Variants in JARID2 observed in about 807,000 individuals in gnomAD.
JARID2 encodes jumonji and AT-rich interaction domain containing 2, also known as protein Jumonji.
JARID2 carries 21 observed loss-of-function variants against 125.6 expected under a neutral mutation model. That is an observed-to-expected ratio of 0.17 (90% confidence interval 0.12 to 0.24). The LOEUF (loss-of-function observed/expected upper bound fraction) is 0.24, where lower values mean the gene tolerates loss of function less well. Ranked by LOEUF, JARID2 falls within the 10% of genes least tolerant of loss-of-function variation. The probability of loss-of-function intolerance (pLI) is 1.00; values close to 1 mark genes in which losing one functional copy is unlikely to be tolerated. For synonymous variants in JARID2, 736 were observed against 661.6 expected (o/e 1.11, Z -1.73); for missense variants, 1,303 against 1,639.6 (o/e 0.79, Z 3.55).
chr6:15,282,200 C>G (rs895588213), intron 1 of JARID2, among the ~76,000 whole-genome samples: 2 of 152,094 alleles, frequency 1.3e-5, no homozygotes, highest in African/African-American at 4.8e-5. Flanking sequence ...ACCTTGGCAT[C>G]CCAAAGTGCT....
At chr6:15,271,250 C>A (rs143867264) in intron 1 of JARID2, among the ~76,000 whole-genome samples, 1 of 152,136 alleles carries the variant, frequency 6.6e-6, no homozygotes, top group African/African-American at 2.4e-5. Flanking sequence ...GGGCTTGAGG[C>A]CAGTGGGTTC....
chr6:15,495,235 G>A (rs879280408), intron 6 of JARID2, among the ~76,000 whole-genome samples: 5 of 152,096 alleles, frequency 3.3e-5, no homozygotes, highest in Admixed American at 2.0e-4. Flanking sequence ...CCCCATTTTC[G>A]CTGACGTTTG....
chr6:15,402,091 C>G (rs1459706121), intron 2 of JARID2, among the ~76,000 whole-genome samples: 1 of 151,996 alleles, frequency 6.6e-6, no homozygotes, highest in Non-Finnish European at 1.5e-5. Flanking sequence ...TCCTTTTATC[C>G]TAGGGAATGA....
chr6:15,496,046 G>C (rs1770401608), intron 6 of JARID2, 86 bp from the exon 7 acceptor site: 1 of 1,084,670 alleles, frequency 9.2e-7, no homozygotes, highest in East Asian at 2.4e-5. Context: ...CAGCATCCAG[G>C]GTCCTTTCTC....
intron 1 of JARID2, among the ~76,000 whole-genome samples, chr6:15,268,802 T>C (rs1169507878): frequency 6.6e-6 from 1 of 152,240 alleles, no homozygotes; most frequent in African/African-American, 2.4e-5. Flanking sequence ...AATTTGCTTT[T>C]CCTTTTCACA....
Position 15,496,805 on chromosome 6 carries a change from C to G in JARID2, c.1580C>G (p.Thr527Ser). The part of the protein sequence containing the change: ...ADSASCENRS[T>S]SQPESVHKPQ... Reference sequence around the variant, plus strand: ...AGCGCCTCCTGTGAAAATCGTTCTACCTCGCAACCGGAGTCCGTGCACAAG... The same window carrying G: ...AGCGCCTCCTGTGAAAATCGTTCTAGCTCGCAACCGGAGTCCGTGCACAAG... The change falls in exon 7 of 18, where the codon ACC (threonine) becomes AGC (serine). Residue 527 changes from threonine (T) to serine (S), a missense_variant. Coordinates refer to ENST00000341776, the MANE Select transcript of JARID2 (RefSeq NM_004973.4). The G allele has an allele frequency of 6.2e-7, 1 of 1,607,822 alleles. No individual in the cohort carries two copies. The highest frequency in any genetic ancestry group is 8.5e-7 in the Non-Finnish European group (1 of 1,176,658).
chr6:15,387,112 TC>T (rs1225707189), intron 2 of JARID2, among the ~76,000 whole-genome samples: 3 of 152,192 alleles, frequency 2.0e-5, no homozygotes, highest in Admixed American at 2.0e-4. Flanking sequence ...TTGGCTTTTT[TC>T]CCCAGAGGCA....
At chr6:15,332,966 GAGTCGCCCAGGCTGGAGTGC>G (rs1762765191) in intron 1 of JARID2, among the ~76,000 whole-genome samples, 1 of 119,742 alleles carries the variant, frequency 8.4e-6, no homozygotes, top group Non-Finnish European at 1.6e-5. Flanking sequence ...TTTGGAGACG[GAGTCGCCCAGGCTGGAGTGC>G]AGTGGCCCCA....
intron 1 of JARID2, among the ~76,000 whole-genome samples, chr6:15,357,772 G>A (rs953511014): frequency 5.9e-5 from 9 of 152,108 alleles, no homozygotes; most frequent in Non-Finnish European, 1.3e-4. Context: ...AGCTGTTTCC[G>A]GATGCTATGT....
intron 1 of JARID2, among the ~76,000 whole-genome samples, chr6:15,355,638 G>A (rs1235632766): frequency 6.7e-6 from 1 of 149,804 alleles, no homozygotes; most frequent in Non-Finnish European, 1.5e-5. Context: ...TTGAGACAGT[G>A]TCTCACTAGG....
chr6:15,362,447 T>G (rs1394406811), intron 1 of JARID2, among the ~76,000 whole-genome samples: 1 of 152,214 alleles, frequency 6.6e-6, no homozygotes, highest in Non-Finnish European at 1.5e-5. Context: ...TACCGTAGCA[T>G]TACTGTTGAA....
At chr6:15,318,667 A>G (rs891450438) in intron 1 of JARID2, among the ~76,000 whole-genome samples, 5 of 152,174 alleles carry the variant, frequency 3.3e-5, no homozygotes, top group African/African-American at 1.2e-4. Flanking sequence ...GGCAGGCCGG[A>G]TTCACTGGTG....
chr6:15,390,690 A>G lies in JARID2; in HGVS notation c.181+16438A>G, dbSNP rs912978569. 3.2e-4 allele frequency among the ~76,000 whole-genome samples: 49 copies of G among 152,134 alleles called. 1 individual carries two copies. The highest frequency in any genetic ancestry group is 3.1e-3 in the Admixed American group (48 of 15,284). On this transcript the variant is annotated intron_variant, in intron 2 of 17. Transcript: ENST00000341776. ...CATGTGTGCTCTGTAAAACTGAAGG[A>G]AGACTGGGTTGTCCTTGGATCCATG... is the stretch of plus-strand genomic sequence containing the variant.
At position 15,497,053 on chromosome 6, in the gene JARID2, C is replaced by G; in HGVS notation, c.1828C>G (p.Gln610Glu). ...CAACGATGAGATGCGGTTTGTCACG[C>G]AGATTCAGCACATCCACAAGCTGGG... ...KLNDEMRFVTQIQHIHKLGRR... is the reference protein window; with the variant it reads ...KLNDEMRFVTEIQHIHKLGRR... The change falls in exon 7 of 18, where the codon CAG becomes GAG. Residue 610 changes from glutamine (Q) to glutamate (E), a missense_variant. By Grantham distance (29) the Gln-to-Glu change is conservative (BLOSUM62 2). Around this residue, in one of 11 missense-constraint regions of JARID2, gnomAD observed 64 missense variants for 166.8 expected, o/e 0.38. Transcript: ENST00000341776. 1 of 1,610,346 alleles carries G rather than the reference C, an allele frequency of 6.2e-7. No individual in the cohort carries two copies. The highest frequency in any genetic ancestry group is 1.1e-5 in the South Asian group (1 of 90,324).
chr6:15,391,529 C>A (rs1011819423), intron 2 of JARID2, among the ~76,000 whole-genome samples: 3 of 152,118 alleles, frequency 2.0e-5, no homozygotes, highest in Non-Finnish European at 4.4e-5. Flanking sequence ...TTAGGGTCAA[C>A]AAAAGAAAAT....
chr6:15,431,854 C>G (rs1006563949), intron 3 of JARID2, among the ~76,000 whole-genome samples: 9 of 152,128 alleles, frequency 5.9e-5, no homozygotes, highest in African/African-American at 1.9e-4. Flanking sequence ...TTGAAATCCT[C>G]TTAAGCCAAG....
intron 1 of JARID2, among the ~76,000 whole-genome samples, chr6:15,362,007 T>G (rs1194621050): frequency 1.3e-5 from 2 of 151,100 alleles, no homozygotes; most frequent in African/African-American, 4.9e-5. Flanking sequence ...GTGATTCTCA[T>G]GTCTTAGCCT....
At chr6:15,398,329 A>C (rs746057616) in intron 2 of JARID2, among the ~76,000 whole-genome samples, 6 of 152,220 alleles carry the variant, frequency 3.9e-5, no homozygotes, top group Non-Finnish European at 8.8e-5. Context: ...CCTTCAGCCT[A>C]TTAATGAACA....
chr6:15,363,390 A>G (rs1327619301), intron 1 of JARID2, among the ~76,000 whole-genome samples: 2 of 152,146 alleles, frequency 1.3e-5, no homozygotes, highest in African/African-American at 4.8e-5. Context: ...ATGTCTGCTC[A>G]AGTTTGCCAC....
Sources: gnomAD v4.1 joint callset for allele counts (sites outside exome capture counted in the v4.1 genomes callset) on GRCh38, gnomAD v4.1.1 for gene constraint, gnomAD v4.1.1 regional missense constraint, MANE v1.5 for transcripts, NCBI Gene and HGNC (gene_info 2026-07-23, HGNC 2026-07-21) for gene names.